Variants in TRIM5 observed in about 807,000 individuals in gnomAD.
TRIM5 encodes the protein tripartite motif-containing protein 5.
In TRIM5, 31 loss-of-function variants were observed where a neutral mutation model predicts 35.6. That is an observed-to-expected ratio of 0.87 (90% confidence interval 0.65 to 1.18). The LOEUF is 1.18. TRIM5 is among the 50% of genes most tolerant of loss of function. The pLI is 0.00. For missense variants in TRIM5, 609 were observed against 591.6 expected (o/e 1.03, Z -0.31); for synonymous variants, 243 against 215.6 (o/e 1.13, Z -1.11).
rs1851072843 is a variant in TRIM5, at chr11:5,665,626, G to C, written c.895+30C>G. The C allele has an allele frequency of 2.5e-6, 4 of 1,574,964 alleles. No homozygotes were observed. The East Asian group carries it at 9.0e-5, about 35-fold the overall frequency. On this transcript the variant is annotated intron_variant, in intron 7 of 7. Coordinates refer to ENST00000380034, the MANE Select transcript of TRIM5 (RefSeq NM_033034.3). ...GATAATAATAATGATAAGCCGCAGG[G>C]TGGCTTATGATAATGTGACTTCTCC...
chr11:5,630,578 G>T, the TRIM5 span, among the ~76,000 whole-genome samples: 2 of 152,158 alleles, frequency 1.3e-5, no homozygotes, highest in African/African-American at 4.8e-5. Flanking sequence ...CATGAACGGG[G>T]CATTCACTTC....
the TRIM5 span, among the ~76,000 whole-genome samples, chr11:5,656,042 A>G: frequency 6.6e-6 from 1 of 152,256 alleles, no homozygotes; most frequent in African/African-American, 2.4e-5. Context: ...ACCTAAAACC[A>G]TACAAATCCT....
At position 5,665,166 on chromosome 11, in the gene TRIM5, T is replaced by C. The variant is rs568025259; in HGVS notation, c.1125A>G (p.Val375=). The change falls in exon 8 of 8, where the codon GTA becomes GTG. Residue 375 remains valine (V), a synonymous_variant. Coordinates refer to ENST00000380034, the MANE Select transcript of TRIM5 (RefSeq NM_033034.3). ...TTGCATCAGGTTGGAAGCCAGCACA[T>C]ACCCCCAGGATCCAAGCAGTTTTCT... The part of the protein sequence containing the change: ...VSKKTAWILG[V]CAGFQPDAMC... 2 of 1,614,124 alleles carry C rather than the reference T, an allele frequency of 1.2e-6. No individual in the cohort carries two copies. Among genetic ancestry groups the C allele is most frequent in the East Asian group, 2.2e-5 (1 of 44,882 alleles).
rs377039892 is a variant in TRIM5 at position 5,669,322 on chromosome 11, C to T, written c.745-1611G>A. ...CTTGAACTCCCAACCTCAGGCGATC[C>T]GCCTGCCTCAGCCTCCCTAAGTGCT... On this transcript the variant is annotated intron_variant, in intron 4 of 7. Coordinates refer to ENST00000380034, the MANE Select transcript of TRIM5 (RefSeq NM_033034.3). Among the ~76,000 whole-genome samples, 50 of 152,254 alleles carry T rather than the reference C, an allele frequency of 3.3e-4. No individual in the cohort carries two copies. In the East Asian group the frequency reaches 6.6e-3, roughly 20 times the overall value.
the TRIM5 span, among the ~76,000 whole-genome samples, chr11:5,598,363 C>CT: frequency 1.2e-4 from 19 of 152,124 alleles, no homozygotes; most frequent in African/African-American, 4.6e-4. Context: ...TCTTACAAAT[C>CT]TTTTTTCTGC....
chr11:5,596,663 G>A, the TRIM5 span: 39 of 544,788 alleles, frequency 7.2e-5, no homozygotes, highest in Non-Finnish European at 1.2e-4. Context: ...TGAGCCTTCC[G>A]CAAACTCCTG....
At chr11:5,676,825 C>A (rs1266303103) in intron 4 of TRIM5, among the ~76,000 whole-genome samples, 1 of 150,818 alleles carries the variant, frequency 6.6e-6, no homozygotes, top group Non-Finnish European at 1.5e-5. Context: ...TGATCTTTGA[C>A]AAACCTGAGA....
the TRIM5 span, among the ~76,000 whole-genome samples, chr11:5,605,833 A>G: frequency 6.6e-6 from 1 of 152,200 alleles, no homozygotes; most frequent in Non-Finnish European, 1.5e-5. Context: ...GTTCTGTTGT[A>G]TCCAGTGATG....
the TRIM5 span, chr11:5,642,780 T>A: frequency 6.2e-7 from 1 of 1,613,654 alleles, no homozygotes; most frequent in Middle Eastern, 1.7e-4. Flanking sequence ...TACTCCTTTG[T>A]TTCTAATCAG....
At chr11:5,666,104 A>C (rs563970349) in intron 5 of TRIM5, 23 bp from the exon 6 acceptor site, 240 of 1,578,100 alleles carry the variant, frequency 1.5e-4, no homozygotes, top group South Asian at 5.2e-4. Context: ...AAAAAAAAAA[A>C]AAACTTCCAA....
At chr11:5,607,047 C>CA in the TRIM5 span, among the ~76,000 whole-genome samples, 12 of 151,898 alleles carry the variant, frequency 7.9e-5, no homozygotes, top group African/African-American at 2.7e-4. Flanking sequence ...ACTAAAAACA[C>CA]AAAAAAATTA....
the TRIM5 span, among the ~76,000 whole-genome samples, chr11:5,607,472 C>A: frequency 3.3e-5 from 5 of 152,126 alleles, no homozygotes; most frequent in Non-Finnish European, 7.3e-5. Flanking sequence ...AATAGTTAAT[C>A]CTGTATTATG....
the TRIM5 span, among the ~76,000 whole-genome samples, chr11:5,640,147 C>T: frequency 4.6e-5 from 7 of 152,210 alleles, no homozygotes; most frequent in Admixed American, 3.9e-4. Flanking sequence ...CTAGAACCTC[C>T]AATACCATGT....
At chr11:5,591,111 T>C in the TRIM5 span, 1 of 152,952 alleles carries the variant, frequency 6.5e-6, no homozygotes, top group Non-Finnish European at 1.5e-5. Context: ...AAAAATTGAA[T>C]GTTGGGATGA....
the TRIM5 span, among the ~76,000 whole-genome samples, chr11:5,638,694 G>T: frequency 6.6e-6 from 1 of 152,182 alleles, no homozygotes. Context: ...CAATATGGCT[G>T]GAGAACAGCT....
the TRIM5 span, among the ~76,000 whole-genome samples, chr11:5,592,909 T>G: frequency 8.3e-6 from 1 of 121,134 alleles, no homozygotes; most frequent in African/African-American, 3.3e-5. Context: ...AGAGTGAGAT[T>G]GTCTCAAAAA....
the TRIM5 span, chr11:5,604,478 G>A: frequency 6.4e-7 from 1 of 1,561,658 alleles, no homozygotes. Flanking sequence ...TTCTATGTCT[G>A]GGTACTGAGT....
the TRIM5 span, chr11:5,589,949 G>A: frequency 6.5e-6 from 1 of 154,534 alleles, no homozygotes; most frequent in Non-Finnish European, 1.4e-5. Flanking sequence ...GGTGGGCGTG[G>A]GCTTGGCGGG....
chr11:5,653,464 A>C, the TRIM5 span, among the ~76,000 whole-genome samples: 1 of 149,668 alleles, frequency 6.7e-6, no homozygotes, highest in African/African-American at 2.5e-5. Context: ...AAAATGGCAA[A>C]CTGTTTTTTC....
Sources: gnomAD v4.1 joint callset for allele counts (sites outside exome capture counted in the v4.1 genomes callset) on GRCh38, gnomAD v4.1.1 for gene constraint, MANE v1.5 for transcripts, NCBI Gene and HGNC (gene_info 2026-07-23, HGNC 2026-07-21) for gene names.